The following ALK variants were observed in gnomAD, a reference collection of about 807,000 sequenced individuals.
The protein encoded by ALK is ALK receptor tyrosine kinase, also known as ALK tyrosine kinase receptor.
Under a neutral mutation model 163.1 loss-of-function variants are expected in ALK, and 74 were observed. The ratio of observed to expected loss-of-function variants is 0.45; its 90% CI spans 0.38 to 0.55. ALK has a LOEUF of 0.55. ALK is among the 20% of genes least tolerant of loss of function. ALK has a pLI of 0.00. For synonymous variants in ALK, 960 were observed against 843.2 expected (o/e 1.14, Z -2.40); for missense variants, 2,063 against 2,105.3 (o/e 0.98, Z 0.39).
At position 29,318,418 on chromosome 2, in the gene ALK, A is replaced by C. The variant is rs1231087644; in HGVS notation, c.1547-14T>G. On this transcript the variant is annotated splice_polypyrimidine_tract_variant and intron_variant, in intron 7 of 28. Transcript: ENST00000389048. ...ATAGAGCATGGTCTAGGAGAGAGGA[A>C]AAGAATCACAAGCACGCCATTATCA... 3 of 1,576,892 alleles carry C rather than the reference A, an allele frequency of 1.9e-6. No homozygotes were observed. The highest frequency in any genetic ancestry group is 2.2e-5 in the East Asian group (1 of 44,704).
intron 4 of ALK, among the ~76,000 whole-genome samples, chr2:29,464,607 G>A (rs1573376366): frequency 6.6e-6 from 1 of 152,130 alleles, no homozygotes; most frequent in Admixed American, 6.6e-5. Context: ...AAATATACCG[G>A]ATGGGACTAA....
chr2:29,344,875 A>C (rs1316781151), intron 5 of ALK, among the ~76,000 whole-genome samples: 3 of 152,190 alleles, frequency 2.0e-5, no homozygotes, highest in South Asian at 2.1e-4. Flanking sequence ...TCTAAACAAA[A>C]GAGAAAAGAT....
intron 1 of ALK, among the ~76,000 whole-genome samples, chr2:29,770,043 G>C (rs1680973751): frequency 6.6e-6 from 1 of 152,210 alleles, no homozygotes; most frequent in Admixed American, 6.5e-5. Context: ...TCAAGAAGCA[G>C]CTGGATCCAC....
chr2:29,384,069 G>A (rs1668972484), intron 4 of ALK, among the ~76,000 whole-genome samples: 1 of 152,178 alleles, frequency 6.6e-6, no homozygotes, highest in Admixed American at 6.5e-5. Context: ...CAAACTTAGA[G>A]ATCCAATTCA....
In ALK at chr2:29,830,712, T is replaced by TAAAAAAAAAA. The variant is rs1665344950; in HGVS notation, c.667+89280_667+89281insTTTTTTTTTT. 1.6e-4 allele frequency among the ~76,000 whole-genome samples: 10 copies of TAAAAAAAAAA among 63,520 alleles called. 4 individuals carry two copies. The highest frequency in any genetic ancestry group is 5.0e-4 in the African/African-American group (8 of 16,064). 41.7% of individuals were successfully genotyped at this position (63,520 alleles called of 152,430 possible). ...AGCAAGACCCTGTCTCTAAAATAGT[T>TAAAAAAAAAA]TAAAAAAAAAAAAAAAAAAAAAAAA... On this transcript the variant is annotated intron_variant, in intron 1 of 28. Transcript: ENST00000389048.
At position 29,598,519 on chromosome 2, in the gene ALK, A is replaced by G. The variant is rs530628924; in HGVS notation, c.953-66403T>C. ...TTTATTAGGGACATCATGAAAGCTC[A>G]TGGCTTCACAGTCTTGCAAGTAGGA... On this transcript the variant is annotated intron_variant, in intron 3 of 28. Transcript: ENST00000389048. 3.2e-4 allele frequency among the ~76,000 whole-genome samples: 48 copies of G among 152,320 alleles called. 1 individual carries two copies. The highest frequency in any genetic ancestry group is 2.9e-5 in the Non-Finnish European group (2 of 68,028).
At chr2:29,589,516 C>T (rs1674985694) in intron 3 of ALK, among the ~76,000 whole-genome samples, 1 of 152,196 alleles carries the variant, frequency 6.6e-6, no homozygotes, top group South Asian at 2.1e-4. Context: ...GTTTGTACAG[C>T]TTATGAACAG....
At chr2:29,341,879 TTTTTTAG>T (rs1399996553) in intron 5 of ALK, among the ~76,000 whole-genome samples, 1 of 152,238 alleles carries the variant, frequency 6.6e-6, no homozygotes. Context: ...CCTCTTTGTA[TTTTTTAG>T]TTTTTAGTTC....
At chr2:29,458,286 C>T (rs574218443) in intron 4 of ALK, among the ~76,000 whole-genome samples, 1 of 152,232 alleles carries the variant, frequency 6.6e-6, no homozygotes, top group Admixed American at 6.5e-5. Flanking sequence ...TCATCCATAA[C>T]TTGATTAATT....
intron 9 of ALK, among the ~76,000 whole-genome samples, chr2:29,296,430 A>G (rs1666180639): frequency 6.6e-6 from 1 of 152,236 alleles, no homozygotes; most frequent in Non-Finnish European, 1.5e-5. Flanking sequence ...ATAACAGGAC[A>G]GGAGTGGTAA....
rs1667336699 is a variant in ALK, at chr2:29,328,337, C to T, written c.1414+13G>A. On this transcript the variant is annotated intron_variant, in intron 6 of 28. Coordinates refer to ENST00000389048, the MANE Select transcript of ALK (RefSeq NM_004304.5). ...CTGGGCTCAGGCAGGGTGGGGCAGC[C>T]CCATCTACTCACGGCACATCTGGCT... 3 of 1,613,952 alleles carry T rather than the reference C, an allele frequency of 1.9e-6. No homozygotes were observed. The South Asian group carries it at 3.3e-5, about 18-fold the overall frequency.
At chr2:29,583,820 G>C (rs1674795803) in intron 3 of ALK, among the ~76,000 whole-genome samples, 1 of 152,194 alleles carries the variant, frequency 6.6e-6, no homozygotes, top group Non-Finnish European at 1.5e-5. Flanking sequence ...CCAGTCTTCA[G>C]TGGAAATCTC....
At position 29,796,529 on chromosome 2, in the gene ALK, G is replaced by A. The variant is rs549633053; in HGVS notation, c.668-78832C>T. 2.0e-5 allele frequency among the ~76,000 whole-genome samples: 3 copies of A among 152,270 alleles called. No homozygotes were observed. The South Asian group carries it at 6.2e-4, about 32-fold the overall frequency. On this transcript the variant is annotated intron_variant, in intron 1 of 28. Transcript: ENST00000389048. ...GTTCTCTAGTTTCATTATGATCACTGACAACAGAATGGATTCATTTTATGT... is the reference window on the plus strand; with the variant it reads ...GTTCTCTAGTTTCATTATGATCACTAACAACAGAATGGATTCATTTTATGT...
At chr2:29,274,371 C>T (rs191653350) in intron 11 of ALK, among the ~76,000 whole-genome samples, 1 of 152,234 alleles carries the variant, frequency 6.6e-6, no homozygotes, top group East Asian at 1.9e-4. Flanking sequence ...CTTGTTTCTC[C>T]AGGCTATACA....
At chr2:29,471,239 C>A (rs1443251768) in intron 4 of ALK, among the ~76,000 whole-genome samples, 1 of 152,124 alleles carries the variant, frequency 6.6e-6, no homozygotes, top group Non-Finnish European at 1.5e-5. Flanking sequence ...ACCAATTTCA[C>A]ACAAACTCTT....
chr2:29,912,569 T>C (rs760121042), intron 1 of ALK, among the ~76,000 whole-genome samples: 7 of 151,876 alleles, frequency 4.6e-5, no homozygotes, highest in African/African-American at 1.7e-4. Context: ...AATAATAAAA[T>C]AGGAAATATT....
At chr2:29,677,286 C>G (rs1677910752) in intron 3 of ALK, among the ~76,000 whole-genome samples, 1 of 140,194 alleles carries the variant, frequency 7.1e-6, no homozygotes, top group Non-Finnish European at 1.6e-5. Flanking sequence ...ATCCCCTCCC[C>G]TTCCCTTCCC....
At chr2:29,288,933 C>A (rs1217328000) in intron 9 of ALK, among the ~76,000 whole-genome samples, 5 of 122,424 alleles carry the variant, frequency 4.1e-5, no homozygotes, top group East Asian at 4.8e-4. Flanking sequence ...GCCTGGGCGA[C>A]AGAGGGAGAC....
At chr2:29,797,348 T>A (rs1336014603) in intron 1 of ALK, among the ~76,000 whole-genome samples, 1 of 152,218 alleles carries the variant, frequency 6.6e-6, no homozygotes, top group Non-Finnish European at 1.5e-5. Flanking sequence ...TATTCATAAG[T>A]CTTTCAAAGA....
Sources: gnomAD v4.1 joint callset for allele counts (sites outside exome capture counted in the v4.1 genomes callset) on GRCh38, gnomAD v4.1.1 for gene constraint, MANE v1.5 for transcripts, NCBI Gene and HGNC (gene_info 2026-07-23, HGNC 2026-07-21) for gene names.